Variants in ZMYM1 observed in about 807,000 individuals in gnomAD.
ZMYM1 encodes the protein zinc finger MYM-type protein 1.
Under a neutral mutation model 60.0 loss-of-function variants are expected in ZMYM1, and 39 were observed. The ratio of observed to expected loss-of-function variants is 0.65; its 90% CI spans 0.50 to 0.85. The LOEUF (loss-of-function observed/expected upper bound fraction) is 0.85. Among genes scored for constraint, ZMYM1 ranks in the 40% least tolerant of loss-of-function variants. The probability of loss-of-function intolerance (pLI) is 0.00; values close to 1 mark genes in which losing one functional copy is unlikely to be tolerated. For missense variants in ZMYM1, 1,171 were observed against 1,309.5 expected (o/e 0.89, Z 1.63); for synonymous variants, 413 against 454.0 (o/e 0.91, Z 1.15).
intron 6 of ZMYM1, among the ~76,000 whole-genome samples, chr1:35,109,387 G>A (rs1644009005): frequency 6.6e-6 from 1 of 152,102 alleles, no homozygotes; most frequent in South Asian, 2.1e-4. Flanking sequence ...AAGAATAGGT[G>A]GTGAGCATAA....
intron 9 of ZMYM1, 129 bp from the exon 10 acceptor site, chr1:35,112,848 G>A (rs1644141292): frequency 2.3e-5 from 17 of 755,342 alleles, no homozygotes; most frequent in Non-Finnish European, 3.2e-5. Flanking sequence ...AATTGTTAAC[G>A]TTTCCCCCTA....
At chr1:35,112,255 G>T (rs1451926702) in intron 9 of ZMYM1, 125 bp downstream of exon 9, 1 of 882,432 alleles carries the variant, frequency 1.1e-6, no homozygotes, top group Non-Finnish European at 1.8e-6. Context: ...TCAGCTCACT[G>T]CAACCTTTGC....
downstream of ZMYM1, among the ~76,000 whole-genome samples, chr1:35,117,587 G>A (rs961333673): frequency 4.6e-5 from 7 of 151,960 alleles, no homozygotes; most frequent in African/African-American, 1.7e-4. Context: ...CTCCCAAAGT[G>A]CTGGGATTAC....
At chr1:35,104,904 T>C (rs918720755) in intron 6 of ZMYM1, 135 bp downstream of exon 6, 1 of 640,324 alleles carries the variant, frequency 1.6e-6, no homozygotes, top group Non-Finnish European at 2.6e-6. Context: ...AGAAGGCTTT[T>C]AACGGTTTCT....
intron 6 of ZMYM1, among the ~76,000 whole-genome samples, chr1:35,107,545 C>T (rs1440856291): frequency 2.6e-5 from 4 of 151,526 alleles, no homozygotes; most frequent in Non-Finnish European, 4.4e-5. Flanking sequence ...TTTGGGTAAA[C>T]GAGTTAGTTA....
chr1:35,103,701 T>G (rs1438151562), intron 4 of ZMYM1, among the ~76,000 whole-genome samples: 1 of 152,160 alleles, frequency 6.6e-6, no homozygotes, highest in African/African-American at 2.4e-5. Context: ...GTCCTACCAT[T>G]AGCTTTGCAA....
At chr1:35,077,663 AGC>A (rs1642190381), upstream of ZMYM1, among the ~76,000 whole-genome samples, 1 of 152,012 alleles carries the variant, frequency 6.6e-6, no homozygotes, top group African/African-American at 2.4e-5. Flanking sequence ...GAACTAACTC[AGC>A]GCATGAGGAC....
At chr1:35,074,409 T>C (rs1642129061), upstream of ZMYM1, among the ~76,000 whole-genome samples, 1 of 152,102 alleles carries the variant, frequency 6.6e-6, no homozygotes, top group African/African-American at 2.4e-5. Flanking sequence ...GATGTTTCTT[T>C]GTTGATTTTC....
At chr1:35,073,005 C>T (rs946819527) in intron 1 of ZMYM1, among the ~76,000 whole-genome samples, 2 of 151,812 alleles carry the variant, frequency 1.3e-5, no homozygotes, top group Non-Finnish European at 2.9e-5. Context: ...TCACTTGAAC[C>T]TGGGAGGCAG....
intron 1 of ZMYM1, among the ~76,000 whole-genome samples, chr1:35,090,403 G>A (rs1018710665): frequency 2.2e-4 from 33 of 152,082 alleles, no homozygotes; most frequent in African/African-American, 7.5e-4. Context: ...GACCTTGCTG[G>A]GAGGGATAGC....
At chr1:35,091,087 A>G (rs199928488) in intron 1 of ZMYM1, among the ~76,000 whole-genome samples, 1 of 147,906 alleles carries the variant, frequency 6.8e-6, no homozygotes, top group African/African-American at 2.5e-5. Flanking sequence ...ACCAAAAAAA[A>G]GGAATATCTG....
chr1:35,069,570 C>G (rs956093682), intron 1 of ZMYM1, among the ~76,000 whole-genome samples: 2 of 152,138 alleles, frequency 1.3e-5, no homozygotes, highest in Non-Finnish European at 1.5e-5. Context: ...CTTTGCTGCA[C>G]AAAAACTTTT....
chr1:35,064,479 C>T (rs180830896), intron 1 of ZMYM1, among the ~76,000 whole-genome samples: 92 of 151,852 alleles, frequency 6.1e-4, no homozygotes, highest in Admixed American at 9.9e-4. Context: ...TAGGACACTC[C>T]ACCCAACAAC....
chr1:35,069,447 T>C (rs1438026720), intron 1 of ZMYM1, among the ~76,000 whole-genome samples: 2 of 152,224 alleles, frequency 1.3e-5, no homozygotes, highest in African/African-American at 2.4e-5. Context: ...ATCTGTTTTT[T>C]TGTTGTTGAG....
At chr1:35,090,472 A>G (rs369684304) in intron 1 of ZMYM1, among the ~76,000 whole-genome samples, 4 of 152,200 alleles carry the variant, frequency 2.6e-5, no homozygotes, top group East Asian at 1.9e-4. Context: ...CCACCATGGC[A>G]TGTGTATACC....
chr1:35,085,056 T>C (rs948444955), intron 1 of ZMYM1, among the ~76,000 whole-genome samples: 4 of 151,026 alleles, frequency 2.6e-5, no homozygotes, highest in African/African-American at 7.3e-5. Flanking sequence ...TTTGGTTTGG[T>C]TTTTTTTTGG....
intron 7 of ZMYM1, 63 bp from the exon 8 acceptor site, chr1:35,111,709 T>C: frequency 6.9e-7 from 1 of 1,458,268 alleles, no homozygotes; most frequent in Non-Finnish European, 9.2e-7. Context: ...ACAGTATTAC[T>C]AAACAGTACT....
Position 35,111,909 on chromosome 1 carries a change from C to T in ZMYM1, c.1099C>T (p.Gln367Ter). Residue 367 changes from glutamine (Q) to a stop codon, truncating the protein, a stop_gained, in exon 8 of 10, where the codon CAA becomes TAA. Coordinates refer to ENST00000359858, the MANE Select transcript of ZMYM1 (RefSeq NM_024772.5). LOFTEE classifies it low-confidence loss of function (END_TRUNC). ...GCCCATCATGAACACTGATGTCTTA[C>T]AAGGTAAAAGTTGATGTTAAGATAT... Reference protein sequence around the residue: ...ALPIMNTDVLQDTVSSVTATA... With the variant: ...ALPIMNTDVL 6.3e-7 allele frequency: 1 copy of T among 1,585,704 alleles called. No individual in the cohort carries two copies. Among genetic ancestry groups the T allele is most frequent in the East Asian group, 2.3e-5 (1 of 44,296 alleles).
rs572428314 is a variant in ZMYM1 at position 35,085,954 on chromosome 1, C to G, written c.-75+6512C>G. Among the ~76,000 whole-genome samples, 313 of 152,270 alleles carry G rather than the reference C, an allele frequency of 2.1e-3. 1 individual carries two copies. The highest frequency in any genetic ancestry group is 7.1e-3 in the African/African-American group (293 of 41,554). On this transcript the variant is annotated intron_variant, in intron 1 of 9. Coordinates refer to ENST00000359858, the MANE Select transcript of ZMYM1 (RefSeq NM_024772.5). Reference sequence around the variant, plus strand: ...ATCGTGGAATAAAATGAGTTCCATCCTCCTGCCGTGACAAATACACCTTTG... The same window carrying G: ...ATCGTGGAATAAAATGAGTTCCATCGTCCTGCCGTGACAAATACACCTTTG...
Sources: gnomAD v4.1 joint callset for allele counts (sites outside exome capture counted in the v4.1 genomes callset) on GRCh38, gnomAD v4.1.1 for gene constraint, MANE v1.5 for transcripts, NCBI Gene and HGNC (gene_info 2026-07-23, HGNC 2026-07-21) for gene names.